The following PITPNM2 variants were observed in gnomAD, a reference collection of about 807,000 sequenced individuals.
The protein encoded by PITPNM2 is membrane-associated phosphatidylinositol transfer protein 2.
PITPNM2 carries 35 observed loss-of-function variants against 132.2 expected under a neutral mutation model. That is an observed-to-expected ratio of 0.26 (90% CI 0.20 to 0.35). The LOEUF is 0.35. PITPNM2 is among the 10% of genes least tolerant of loss of function. The pLI is 1.00. For synonymous variants in PITPNM2, 738 were observed against 799.2 expected (o/e 0.92, Z 1.29); for missense variants, 1,332 against 1,912.0 (o/e 0.70, Z 5.66).
intron 2 of PITPNM2, among the ~76,000 whole-genome samples, chr12:123,093,245 C>T (rs932227962): frequency 3.3e-5 from 5 of 151,994 alleles, no homozygotes; most frequent in Non-Finnish European, 7.4e-5. Flanking sequence ...TAACATCCAT[C>T]GAGGAGCTCA....
In PITPNM2 at chr12:123,000,733, C is replaced by A. The variant is rs750017547; in HGVS notation, c.1224+45G>T. On this transcript the variant is annotated intron_variant, in intron 10 of 25. Transcript: ENST00000320201. The surrounding 1 kb of genome is among the most constrained non-coding windows in gnomAD (Gnocchi z 5.4). Reference sequence around the variant, plus strand: ...GACTATTCCTCTGCACCCTGCCCCTCCCTTGGCGGCCATGCCCCTGTCCCT... The same window carrying A: ...GACTATTCCTCTGCACCCTGCCCCTACCTTGGCGGCCATGCCCCTGTCCCT... The A allele has an allele frequency of 3.1e-6, 5 of 1,599,166 alleles. No individual in the cohort carries two copies. The East Asian group carries it at 1.1e-4, about 36-fold the overall frequency.
intron 2 of PITPNM2, among the ~76,000 whole-genome samples, chr12:123,098,495 A>G (rs1048008120): frequency 1.3e-5 from 2 of 152,104 alleles, no homozygotes; most frequent in Non-Finnish European, 2.9e-5. Flanking sequence ...TGAGTTCAGG[A>G]GTTCAAGACC....
intron 2 of PITPNM2, among the ~76,000 whole-genome samples, chr12:123,074,203 C>T (rs2041706232): frequency 6.6e-6 from 1 of 152,164 alleles, no homozygotes; most frequent in South Asian, 2.1e-4. Context: ...ACGCCAAGTA[C>T]TTCTAGGGTG....
intron 10 of PITPNM2, among the ~76,000 whole-genome samples, chr12:122,999,043 A>G (rs1235903443): frequency 6.6e-6 from 1 of 151,872 alleles, no homozygotes; most frequent in Non-Finnish European, 1.5e-5. Context: ...CCCAGGAGGC[A>G]GAGGTTGCAG....
chr12:122,986,881 CCT>C, intron 23 of PITPNM2, 52 bp from the exon 24 acceptor site: 1 of 1,531,712 alleles, frequency 6.5e-7, no homozygotes, highest in Non-Finnish European at 8.8e-7. Flanking sequence ...CCTGGGCCTC[CCT>C]GTCTCCTGCC....
intron 2 of PITPNM2, chr12:123,092,539 T>C (rs912895257): frequency 6.6e-6 from 1 of 152,270 alleles, no homozygotes; most frequent in Admixed American, 6.5e-5. Context: ...GTCAGGCTAA[T>C]CTAGTCTTGC....
intron 5 of PITPNM2, among the ~76,000 whole-genome samples, chr12:123,011,980 G>A (rs1016541841): frequency 2.6e-5 from 4 of 152,172 alleles, no homozygotes; most frequent in Admixed American, 6.5e-5. Flanking sequence ...CCCCCAACCC[G>A]CATGCCCTGC....
At chr12:123,029,405 GCGAAAGC>G (rs1302372042) in intron 3 of PITPNM2, among the ~76,000 whole-genome samples, 2 of 152,180 alleles carry the variant, frequency 1.3e-5, no homozygotes, top group African/African-American at 4.8e-5. Context: ...GGCCAACATG[GCGAAAGC>G]CCATCTCTAC....
intron 2 of PITPNM2, chr12:123,092,659 C>A (rs1030442319): frequency 6.6e-6 from 1 of 152,264 alleles, no homozygotes; most frequent in South Asian, 2.1e-4. Context: ...GGACCTGCGG[C>A]CTCCTCTAGC....
rs2041843805 is a variant in PITPNM2, at chr12:123,077,971, G to C, written c.-96+32414C>G. ...CCCCCAGCACGCAGCTCTCCCAGCA[G>C]CCCATGCCTGGAGACAGAGGACACT... On this transcript the variant is annotated intron_variant, in intron 2 of 25. Transcript: ENST00000320201. The surrounding 1 kb of genome is among the most constrained non-coding windows in gnomAD (Gnocchi z 4.8). Among the ~76,000 whole-genome samples, 1 of 152,160 alleles carries C rather than the reference G, an allele frequency of 6.6e-6. No individual in the cohort carries two copies. Among genetic ancestry groups the C allele is most frequent in the South Asian group, 2.1e-4 (1 of 4,832 alleles).
intron 1 of PITPNM2, among the ~76,000 whole-genome samples, chr12:123,115,700 A>T (rs1333954259): frequency 6.6e-6 from 1 of 152,200 alleles, no homozygotes; most frequent in East Asian, 1.9e-4. Flanking sequence ...TTAGCTAAGT[A>T]CAGAGTGACT....
In PITPNM2 at chr12:123,000,891, C is replaced by T; in HGVS notation, c.1154-43G>A. 6.2e-7 allele frequency: 1 copy of T among 1,610,148 alleles called. No homozygotes were observed. Among genetic ancestry groups the T allele is most frequent in the Non-Finnish European group, 8.5e-7 (1 of 1,176,742 alleles). The stretch of plus-strand genomic sequence containing the variant: ...CCGTGCTGTGAGCTGAGGGGCAGCC[C>T]AACCTGGCCGACCGGACAGAGGCTG... On this transcript the variant is annotated intron_variant, in intron 9 of 25. Transcript: ENST00000320201. This position sits in a 1 kb window ranked among gnomAD's most constrained non-coding sequence, Gnocchi z 5.4.
chr12:123,146,975 T>G (rs1343798238), intron 1 of PITPNM2, among the ~76,000 whole-genome samples: 2 of 152,180 alleles, frequency 1.3e-5, no homozygotes, highest in Non-Finnish European at 2.9e-5. Flanking sequence ...TACAGAGGAT[T>G]TGAAAAAGGC....
chr12:123,071,428 G>A (rs987827690), intron 2 of PITPNM2, among the ~76,000 whole-genome samples: 3 of 152,214 alleles, frequency 2.0e-5, no homozygotes, highest in Non-Finnish European at 4.4e-5. Context: ...AGACCCGCAG[G>A]CTGGATAACT....
intron 1 of PITPNM2, among the ~76,000 whole-genome samples, chr12:123,142,734 G>A (rs1052304995): frequency 2.6e-5 from 4 of 152,152 alleles, no homozygotes; most frequent in Non-Finnish European, 5.9e-5. Flanking sequence ...CTCCACGTCT[G>A]GCCACCCCTG....
chr12:123,063,405 G>A (rs1258726116), intron 2 of PITPNM2, among the ~76,000 whole-genome samples: 1 of 152,234 alleles, frequency 6.6e-6, no homozygotes, highest in Non-Finnish European at 1.5e-5. Context: ...TGGGCTTGGT[G>A]AGAGGCACAC....
At chr12:123,061,783 G>GT (rs1340406393) in intron 2 of PITPNM2, among the ~76,000 whole-genome samples, 1 of 152,216 alleles carries the variant, frequency 6.6e-6, no homozygotes, top group East Asian at 1.9e-4. Context: ...TGCTAGCAGG[G>GT]TCCCCAAGAA....
chr12:123,100,988 G>A (rs2042550484), intron 2 of PITPNM2, among the ~76,000 whole-genome samples: 1 of 152,210 alleles, frequency 6.6e-6, no homozygotes, highest in African/African-American at 2.4e-5. Context: ...CACTGACATT[G>A]ATCAGAGAGC....
rs1261855181 is a variant in PITPNM2 at position 123,036,727 on chromosome 12, G to T, written c.-95-2042C>A. Among the ~76,000 whole-genome samples, 1 of 152,210 alleles carries T rather than the reference G, an allele frequency of 6.6e-6. No individual in the cohort carries two copies. Among genetic ancestry groups the T allele is most frequent in the Non-Finnish European group, 1.5e-5 (1 of 68,028 alleles). ...AGACTCCCCATGGTGCTGCTGAGCA[G>T]CATCACCTGGACACAGAAATCCCCT... On this transcript the variant is annotated intron_variant, in intron 2 of 25. Transcript: ENST00000320201. This position sits in a 1 kb window ranked among gnomAD's most constrained non-coding sequence, Gnocchi z 4.1.
Sources: gnomAD v4.1 joint callset for allele counts (sites outside exome capture counted in the v4.1 genomes callset) on GRCh38, gnomAD v4.1.1 for gene constraint, Gnocchi (gnomAD v3.1) non-coding constraint, MANE v1.5 for transcripts, NCBI Gene and HGNC (gene_info 2026-07-23, HGNC 2026-07-21) for gene names.